OSBPL8: variants seen among roughly 807,000 people sequenced by gnomAD.
OSBPL8 encodes oxysterol binding protein like 8, also known as oxysterol-binding protein-related protein 8.
A neutral mutation model predicts 125.5 loss-of-function variants in OSBPL8; 59 were observed. That is an observed-to-expected ratio of 0.47 (90% CI 0.38 to 0.58). The LOEUF (loss-of-function observed/expected upper bound fraction) is 0.58, where lower values mean the gene tolerates loss of function less well. OSBPL8 is among the 20% of genes least tolerant of loss of function. The pLI is 0.00. For missense variants in OSBPL8, 758 were observed against 1,047.8 expected, an observed-to-expected ratio of 0.72 and a Z score of 3.82; for synonymous variants, 330 against 338.9, an observed-to-expected ratio of 0.97 and a Z score of 0.29.
At chr12:76,384,447 T>C (rs1030803133) in intron 14 of OSBPL8, 97 bp from the exon 15 acceptor site, 4 of 659,790 alleles carry the variant, frequency 6.1e-6, no homozygotes, top group African/African-American at 3.7e-5. Flanking sequence ...TTATCAAAAG[T>C]TCAAGTCTTA....
rs773847407 is a variant in OSBPL8, at chr12:76,389,693, A to G, written c.1304T>C (p.Phe435Ser). The G allele has an allele frequency of 6.2e-7, 1 of 1,603,444 alleles. No homozygotes were observed. Residue 435 changes from phenylalanine to serine, a missense_variant, in exon 12 of 24, where the codon TTC becomes TCC. By Grantham distance (155) the Phe-to-Ser change is radical. This residue lies in a region of OSBPL8 where 572 missense variants were observed against 762.0 expected (regional missense o/e 0.75). Coordinates refer to ENST00000261183, the MANE Select transcript of OSBPL8 (RefSeq NM_020841.5). ...LPTFILEPRS[F>S]LDKLSDYYYH... ...GTAGTAATCTGAAAGTTTATCCAGGAAAGAACGGGGTTCCAAAATAAATGT... is the reference window on the plus strand; with the variant it reads ...GTAGTAATCTGAAAGTTTATCCAGGGAAGAACGGGGTTCCAAAATAAATGT...
chr12:76,505,170 A>C (rs1346092943), intron 1 of OSBPL8, among the ~76,000 whole-genome samples: 1 of 152,144 alleles, frequency 6.6e-6, no homozygotes, highest in Non-Finnish European at 1.5e-5. Flanking sequence ...CCCTGTGTTG[A>C]TAAATTGGGT....
In OSBPL8 at chr12:76,491,579, C is replaced by T. The variant is rs184123835; in HGVS notation, c.-67-3961G>A. Among the ~76,000 whole-genome samples, 291 of 152,310 alleles carry T rather than the reference C, an allele frequency of 1.9e-3. 2 individuals carry two copies. Among genetic ancestry groups the T allele is most frequent in the African/African-American group, 6.6e-3 (276 of 41,566 alleles). ...TTTCAATTTAGAAACATTATATAAA[C>T]TTTCCTTGACTACATGTATTATAAT... On this transcript the variant is annotated intron_variant, in intron 1 of 23. Transcript: ENST00000261183.
intron 1 of OSBPL8, among the ~76,000 whole-genome samples, chr12:76,541,752 G>C (rs1421239627): frequency 6.6e-6 from 1 of 151,548 alleles, no homozygotes; most frequent in Non-Finnish European, 1.5e-5. Flanking sequence ...CTATTCGAGA[G>C]GCTGAGGCAG....
At chr12:76,384,455 T>TTA (rs1257879444) in intron 14 of OSBPL8, 105 bp from the exon 15 acceptor site, 2 of 572,894 alleles carry the variant, frequency 3.5e-6, no homozygotes, top group East Asian at 6.6e-5. Flanking sequence ...AGTTCAAGTC[T>TTA]TATAATGAGT....
chr12:76,418,550 G>A (rs1189335745), intron 4 of OSBPL8, among the ~76,000 whole-genome samples: 1 of 152,080 alleles, frequency 6.6e-6, no homozygotes, highest in Non-Finnish European at 1.5e-5. Flanking sequence ...ACATATTCAG[G>A]TCAGATGAGG....
intron 11 of OSBPL8, chr12:76,390,129 C>T (rs1055771825): frequency 2.2e-5 from 9 of 416,826 alleles, no homozygotes; most frequent in South Asian, 1.9e-4. Context: ...TATAAACTCA[C>T]GTTTCCTTGC....
At chr12:76,446,064 T>TG (rs904523388) in intron 4 of OSBPL8, among the ~76,000 whole-genome samples, 1 of 152,076 alleles carries the variant, frequency 6.6e-6, no homozygotes, top group African/African-American at 2.4e-5. Context: ...ATTTGTAAAA[T>TG]GGGGGGAATA....
At chr12:76,401,453 T>C (rs1451065575) in intron 6 of OSBPL8, among the ~76,000 whole-genome samples, 1 of 152,228 alleles carries the variant, frequency 6.6e-6, no homozygotes, top group Admixed American at 6.5e-5. Context: ...TTACTTGTAT[T>C]GTCATTACGT....
At chr12:76,425,182 A>G (rs1344822765) in intron 4 of OSBPL8, among the ~76,000 whole-genome samples, 1 of 152,204 alleles carries the variant, frequency 6.6e-6, no homozygotes, top group Non-Finnish European at 1.5e-5. Flanking sequence ...CAGCCAAACT[A>G]TCAATTACAT....
intron 9 of OSBPL8, 123 bp from the exon 10 acceptor site, chr12:76,392,875 T>A: frequency 1.1e-6 from 1 of 929,000 alleles, no homozygotes. Context: ...AATCTGAACA[T>A]AACATCTTGC....
intron 1 of OSBPL8, among the ~76,000 whole-genome samples, chr12:76,533,925 G>A (rs1268236382): frequency 6.6e-6 from 1 of 152,052 alleles, no homozygotes; most frequent in Non-Finnish European, 1.5e-5. Flanking sequence ...GAAAGCACAC[G>A]ATTTAATCGG....
chr12:76,486,097 C>G lies in OSBPL8; in HGVS notation c.42+1413G>C, dbSNP rs572407841. On this transcript the variant is annotated intron_variant, in intron 2 of 23. Coordinates refer to ENST00000261183, the MANE Select transcript of OSBPL8 (RefSeq NM_020841.5). ...TCTTCATAAGCCAAGAATTTCCACA[C>G]CCATTTTCTTCTCTACTAACAATTT... 1.0e-5 allele frequency: 4 copies of G among 399,216 alleles called. No homozygotes were observed. In the East Asian group the frequency reaches 2.2e-4, roughly 22 times the overall value. 24.7% of individuals were successfully genotyped at this position (399,216 alleles called of 1,614,324 possible).
chr12:76,380,016 C>T lies in OSBPL8; in HGVS notation c.1631-1466G>A, dbSNP rs545026899. Among the ~76,000 whole-genome samples the T allele has an allele frequency of 3.5e-4, 54 of 152,282 alleles. 1 individual carries two copies. Among genetic ancestry groups the T allele is most frequent in the East Asian group, 1.9e-4 (1 of 5,180 alleles). Reference sequence around the variant, plus strand: ...CCATTAATTTATACATCTACCATTACGTCAATTCCACACTGTAATGATTAC... The same window carrying T: ...CCATTAATTTATACATCTACCATTATGTCAATTCCACACTGTAATGATTAC... On this transcript the variant is annotated intron_variant, in intron 15 of 23. Coordinates refer to ENST00000261183, the MANE Select transcript of OSBPL8 (RefSeq NM_020841.5).
At chr12:76,472,971 G>A (rs1366334436) in intron 2 of OSBPL8, among the ~76,000 whole-genome samples, 1 of 152,128 alleles carries the variant, frequency 6.6e-6, no homozygotes, top group East Asian at 1.9e-4. Context: ...TAAGTAGCAG[G>A]TGTTTTTCCT....
chr12:76,447,996 A>C (rs959657158), intron 4 of OSBPL8, among the ~76,000 whole-genome samples: 10 of 152,222 alleles, frequency 6.6e-5, no homozygotes, highest in Admixed American at 5.2e-4. Flanking sequence ...ATTTGGGGAA[A>C]ACTAGGCAAA....
At chr12:76,447,496 T>C (rs1013248211) in intron 4 of OSBPL8, among the ~76,000 whole-genome samples, 1 of 151,894 alleles carries the variant, frequency 6.6e-6, no homozygotes, top group African/African-American at 2.4e-5. Flanking sequence ...AAAGATGTAA[T>C]CAAACAATCT....
At chr12:76,502,350 T>A (rs929595534) in intron 1 of OSBPL8, among the ~76,000 whole-genome samples, 1 of 152,150 alleles carries the variant, frequency 6.6e-6, no homozygotes, top group African/African-American at 2.4e-5. Context: ...AAGAGAGGAA[T>A]GCCTTCACCA....
At chr12:76,389,426 G>C (rs1194349058) in intron 12 of OSBPL8, among the ~76,000 whole-genome samples, 1 of 152,018 alleles carries the variant, frequency 6.6e-6, no homozygotes, top group Non-Finnish European at 1.5e-5. Context: ...TGTTTTCCTC[G>C]AGCTTATGAT....
Sources: allele counts gnomAD v4.1 joint callset (sites outside exome capture counted in the v4.1 genomes callset), GRCh38; gene constraint gnomAD v4.1.1; regional missense constraint gnomAD v4.1.1; transcripts MANE v1.5; gene names NCBI Gene and HGNC (gene_info 2026-07-23, HGNC 2026-07-21).